The following DCC variants were observed in gnomAD, a reference collection of about 807,000 sequenced individuals.
DCC encodes the protein netrin receptor DCC.
Under a neutral mutation model 172.5 loss-of-function variants are expected in DCC, and 58 were observed. The observed-to-expected ratio is 0.34, with a 90% CI of 0.27 to 0.42. The LOEUF is 0.42. DCC is among the 10% of genes least tolerant of loss of function. DCC has a pLI of 1.00. For missense variants in DCC, 1,740 were observed against 1,791.0 expected (o/e 0.97, Z 0.51); for synonymous variants, 709 against 644.5 (o/e 1.10, Z -1.52).
Position 52,344,677 on chromosome 18 carries a change from C to A in DCC, c.91+3799C>A, listed in dbSNP as rs78653270. The stretch of plus-strand genomic sequence containing the variant: ...TAAAAGCAGTGCTGAAGTTTCTGAA[C>A]AGAATATTTCTTTCCATGGGAGACT... On this transcript the variant is annotated intron_variant, in intron 1 of 28. Transcript: ENST00000442544. Among the ~76,000 whole-genome samples, 1,017 of 152,246 alleles carry A rather than the reference C, an allele frequency of 6.7e-3. 8 individuals are homozygous for A. Among genetic ancestry groups the A allele is most frequent in the African/African-American group, 0.023 (974 of 41,548 alleles).
intron 27 of DCC, among the ~76,000 whole-genome samples, chr18:53,508,018 C>T (rs998980103): frequency 1.3e-3 from 31 of 23,548 alleles, no homozygotes; most frequent in African/African-American, 2.5e-3. Context: ...CTCAGCCTCC[C>T]GAGAGCTGGG....
chr18:53,399,415 T>C (rs970223728), intron 18 of DCC, among the ~76,000 whole-genome samples: 4 of 152,140 alleles, frequency 2.6e-5, no homozygotes, highest in Non-Finnish European at 4.4e-5. Context: ...TTTCATGATA[T>C]AGAGGAGAGC....
At chr18:53,187,262 A>G (rs1382059848) in intron 9 of DCC, among the ~76,000 whole-genome samples, 1 of 151,792 alleles carries the variant, frequency 6.6e-6, no homozygotes, top group African/African-American at 2.4e-5. Flanking sequence ...GGCTGGGATT[A>G]CAGGCTCACA....
chr18:52,365,451 A>T (rs2144281250), intron 1 of DCC, among the ~76,000 whole-genome samples: 1 of 152,358 alleles, frequency 6.6e-6, no homozygotes, highest in East Asian at 1.9e-4. Context: ...TCTCTGGAAA[A>T]AAGAATTCCC....
rs1451327829 is a variant in DCC at position 52,591,213 on chromosome 18, T to A, written c.92-160841T>A. 7.2e-5 allele frequency among the ~76,000 whole-genome samples: 11 copies of A among 152,156 alleles called. No homozygotes were observed. In the East Asian group the frequency reaches 2.1e-3, roughly 29 times the overall value. ...CTTCTGGACTTTGAGATTTTCATAA[T>A]TTTTTAAAATTCTTTTTAGCATTCT... On this transcript the variant is annotated intron_variant, in intron 1 of 28. Transcript: ENST00000442544.
At chr18:52,868,449 G>T (rs1344916199) in intron 2 of DCC, among the ~76,000 whole-genome samples, 1 of 152,098 alleles carries the variant, frequency 6.6e-6, no homozygotes, top group African/African-American at 2.4e-5. Context: ...CTACAAATTT[G>T]TGGAGTGCTG....
intron 8 of DCC, among the ~76,000 whole-genome samples, chr18:53,166,519 G>A (rs766733208): frequency 6.6e-6 from 1 of 152,096 alleles, no homozygotes; most frequent in Non-Finnish European, 1.5e-5. Flanking sequence ...GTGGATAGAC[G>A]CTGAAACTAA....
intron 5 of DCC, among the ~76,000 whole-genome samples, chr18:53,004,056 G>A (rs138067214): frequency 1.2e-4 from 19 of 152,206 alleles, no homozygotes; most frequent in African/African-American, 2.4e-4. Flanking sequence ...TCTCATTAAC[G>A]AAATGGGACA....
intron 3 of DCC, among the ~76,000 whole-genome samples, chr18:52,912,904 C>T (rs548446056): frequency 6.6e-6 from 1 of 152,100 alleles, no homozygotes; most frequent in South Asian, 2.1e-4. Flanking sequence ...GCTGCAAGGC[C>T]ATGCTATAAC....
chr18:53,208,914 A>G (rs1598908233), intron 11 of DCC, among the ~76,000 whole-genome samples: 2 of 152,202 alleles, frequency 1.3e-5, no homozygotes, highest in South Asian at 2.1e-4. Flanking sequence ...TATTTTTAGT[A>G]GAGACAGAGT....
chr18:52,846,300 G>A (rs1173623679), intron 2 of DCC, among the ~76,000 whole-genome samples: 2 of 152,102 alleles, frequency 1.3e-5, no homozygotes, highest in Non-Finnish European at 2.9e-5. Context: ...CCTGCACTTT[G>A]GGAAGCTGAC....
At chr18:53,148,797 AC>A (rs2043954495) in intron 7 of DCC, among the ~76,000 whole-genome samples, 1 of 151,390 alleles carries the variant, frequency 6.6e-6, no homozygotes, top group South Asian at 2.1e-4. Context: ...CCTTCCACAG[AC>A]GAAGCATGCT....
intron 19 of DCC, among the ~76,000 whole-genome samples, chr18:53,406,679 G>A (rs1375048913): frequency 2.0e-5 from 3 of 146,732 alleles, no homozygotes; most frequent in East Asian, 2.0e-4. Flanking sequence ...ATTCCAGCCC[G>A]GGTGACAGAG....
intron 15 of DCC, among the ~76,000 whole-genome samples, chr18:53,344,936 T>C (rs77602226): frequency 0.018 from 2,704 of 148,678 alleles, 72 homozygotes; most frequent in African/African-American, 0.062. Flanking sequence ...TTATAAGAGA[T>C]CAGCTGACTT....
chr18:52,757,167 G>A (rs994553276), intron 2 of DCC: 2 of 152,136 alleles, frequency 1.3e-5, no homozygotes, highest in African/African-American at 4.8e-5. Flanking sequence ...CTACTATTAT[G>A]TTAATGCAAT....
chr18:53,285,754 A>C (rs896857387), intron 12 of DCC, among the ~76,000 whole-genome samples: 3 of 152,228 alleles, frequency 2.0e-5, no homozygotes, highest in African/African-American at 7.2e-5. Flanking sequence ...CAATGCTGCC[A>C]CTGAAAGCAG....
chr18:53,139,176 T>A (rs1451157286), intron 7 of DCC, among the ~76,000 whole-genome samples: 3 of 152,166 alleles, frequency 2.0e-5, no homozygotes, highest in Non-Finnish European at 2.9e-5. Flanking sequence ...ATAATACAAT[T>A]CCTCATCAAA....
intron 15 of DCC, among the ~76,000 whole-genome samples, chr18:53,343,443 G>A (rs919448268): frequency 6.6e-6 from 1 of 151,008 alleles, no homozygotes; most frequent in Non-Finnish European, 1.5e-5. Context: ...TTTAAAATAC[G>A]GTGAATTACA....
At chr18:53,146,806 G>C (rs2043922625) in intron 7 of DCC, among the ~76,000 whole-genome samples, 1 of 152,170 alleles carries the variant, frequency 6.6e-6, no homozygotes, top group African/African-American at 2.4e-5. Context: ...ATTTGTTATG[G>C]TGGATGAACA....
Sources: allele counts gnomAD v4.1 joint callset (sites outside exome capture counted in the v4.1 genomes callset), GRCh38; gene constraint gnomAD v4.1.1; transcripts MANE v1.5; gene names NCBI Gene and HGNC (gene_info 2026-07-23, HGNC 2026-07-21).